The following INPP5E variants were observed in gnomAD, a reference collection of about 807,000 sequenced individuals.
INPP5E encodes phosphatidylinositol polyphosphate 5-phosphatase type IV.
INPP5E carries 34 observed loss-of-function variants against 50.5 expected under a neutral mutation model. That is an observed-to-expected ratio of 0.67 (90% CI 0.51 to 0.90). INPP5E has a LOEUF of 0.90. Among genes scored for constraint, INPP5E ranks in the 40% least tolerant of loss-of-function variants. The pLI is 0.00. For missense variants in INPP5E, 942 were observed against 905.5 expected (o/e 1.04, Z -0.52); for synonymous variants, 447 against 406.0 (o/e 1.10, Z -1.21).
chr9:136,430,920 CCT>C, intron 8 of INPP5E, 80 bp downstream of exon 8: 1 of 1,000,422 alleles, frequency 1.0e-6, no homozygotes, highest in Non-Finnish European at 1.6e-6. Context: ...GGCTCAGACC[CCT>C]GACGCCAGGC....
Position 136,431,838 on chromosome 9 carries a change from C to A in INPP5E, c.1535G>T (p.Arg512Leu), listed in dbSNP as rs750777734. Reference sequence around the variant, plus strand: ...CAGGCCCTCACCTTTCCGCATCTCCCGGATGAGCTGGTCGTGCTGCAGCAG... The same window carrying A: ...CAGGCCCTCACCTTTCCGCATCTCCAGGATGAGCTGGTCGTGCTGCAGCAG... ...PALLQHDQLI[R>L]EMRKGSIFKG... Residue 512 changes from arginine to leucine, a missense_variant, in exon 7 of 10, where the codon CGG becomes CTG. Arg to Leu is a moderately radical substitution (Grantham distance 102). Transcript: ENST00000371712. The A allele has an allele frequency of 3.1e-6, 5 of 1,606,416 alleles. No individual in the cohort carries two copies. Among genetic ancestry groups the A allele is most frequent in the Admixed American group, 1.7e-5 (1 of 59,208 alleles).
chr9:136,432,029 C>T (rs1219896997), intron 6 of INPP5E, 44 bp from the exon 7 acceptor site: 5 of 1,611,004 alleles, frequency 3.1e-6, no homozygotes, highest in Non-Finnish European at 8.5e-7. Context: ...AGAGGGACGG[C>T]AGGTCCTTCC....
Position 136,438,601 on chromosome 9 carries a change from TCCC to T in INPP5E, c.812+4_812+6del, listed in dbSNP as rs1405338334. The T allele has an allele frequency of 1.2e-3, 12 of 9,676 alleles. No homozygotes were observed. In the Admixed American group the frequency reaches 0.059, roughly 47 times the overall value. The allele number at this position is 9,676 out of a possible 1,614,324, so 0.6% of individuals were successfully genotyped here. A position where few individuals can be genotyped will look rare whatever the true frequency, so the allele number is the denominator to read the frequency against. ...CGCGGGCGCTGCACCCGCCAGGCCC[TCCC>T]TACCTGCTGCGGACGTCCTTGCTGC... On this transcript the variant is annotated splice_donor_5th_base_variant and intron_variant, in intron 1 of 9. Coordinates refer to ENST00000371712, the MANE Select transcript of INPP5E (RefSeq NM_019892.6).
chr9:136,436,324 C>A (rs2131613155), intron 1 of INPP5E: 1 of 152,548 alleles, frequency 6.6e-6, no homozygotes, highest in East Asian at 1.9e-4. Flanking sequence ...AGGCCCACGG[C>A]CCCTTTGCCG....
At chr9:136,437,547 G>A (rs1390599003) in intron 1 of INPP5E, 1 of 152,378 alleles carries the variant, frequency 6.6e-6, no homozygotes, top group African/African-American at 2.4e-5. Flanking sequence ...CCTCCCCTGA[G>A]CCTCTGGAGA....
chr9:136,432,099 C>T (rs368787020), intron 6 of INPP5E, 114 bp from the exon 7 acceptor site: 36 of 1,311,262 alleles, frequency 2.7e-5, no homozygotes, highest in South Asian at 1.8e-4. Flanking sequence ...GGGCGCCAGC[C>T]GGTGGGGCCG....
At position 136,438,800 on chromosome 9, in the gene INPP5E, C is replaced by A. The variant is rs1835904478; in HGVS notation, c.620G>T (p.Arg207Met). Residue 207 changes from arginine (R) to methionine (M), a missense_variant, in exon 1 of 10, where the codon AGG becomes ATG. By Grantham distance (91) the Arg-to-Met change is moderately conservative. Coordinates refer to ENST00000371712, the MANE Select transcript of INPP5E (RefSeq NM_019892.6). ...ATCCGAGTCGACCTTGTTTGCTGTC[C>A]TCAGGGAGTCGGAGGCGATGTCCAG... Reference protein sequence around the residue: ...LSLDIASDSLRTANKVDSDLA... With the variant: ...LSLDIASDSLMTANKVDSDLA... The A allele has an allele frequency of 1.2e-6, 2 of 1,612,132 alleles. No individual in the cohort carries two copies. Among genetic ancestry groups the A allele is most frequent in the East Asian group, 4.5e-5 (2 of 44,846 alleles).
chr9:136,432,486 G>A lies in INPP5E; in HGVS notation c.1380C>T (p.Ser460=), dbSNP rs145543466. Residue 460 remains serine, a synonymous_variant, in exon 6 of 10, where the codon TCC becomes TCT. Coordinates refer to ENST00000371712, the MANE Select transcript of INPP5E (RefSeq NM_019892.6). ...RNVPDTNPYR[S]SAADVTTRFD... ...CAGCGTGGACGCCCTCACCTGCGCT[G>A]GAGCGATAGGGGTTGGTGTCGGGCA... is the stretch of plus-strand genomic sequence containing the variant. 91 of 1,548,176 alleles carry A rather than the reference G, an allele frequency of 5.9e-5. No individual in the cohort carries two copies. The highest frequency in any genetic ancestry group is 7.5e-5 in the Non-Finnish European group (86 of 1,144,740).
Position 136,439,106 on chromosome 9 carries a change from G to T in INPP5E, c.314C>A (p.Ala105Asp). Residue 105 changes from alanine (A) to aspartate (D), a missense_variant, in exon 1 of 10, where the codon GCC (alanine) becomes GAC (aspartate). Transcript: ENST00000371712. ...CCTGGAGGGACTGGTCCCATTCCGG[G>T]CTTCCAGGTCCTCCTGGCTGCCTCG... is the stretch of plus-strand genomic sequence containing the variant. Reference protein sequence around the residue: ...RFRGSQEDLEARNGTSPSRGS... With the variant: ...RFRGSQEDLEDRNGTSPSRGS... 6.3e-7 allele frequency: 1 copy of T among 1,582,072 alleles called. No homozygotes were observed. Among genetic ancestry groups the T allele is most frequent in the Non-Finnish European group, 8.6e-7 (1 of 1,166,034 alleles).
chr9:136,435,128 T>C (rs529034959), intron 1 of INPP5E, among the ~76,000 whole-genome samples: 91 of 152,168 alleles, frequency 6.0e-4, no homozygotes, highest in African/African-American at 2.1e-3. Context: ...GTTTGGGCTT[T>C]TTGGTGGTGG....
chr9:136,429,463 G>T lies in INPP5E; in HGVS notation c.*212C>A. The T allele has an allele frequency of 1.4e-6, 1 of 690,146 alleles. No homozygotes were observed. Among genetic ancestry groups the T allele is most frequent in the East Asian group, 2.6e-5 (1 of 39,202 alleles). 42.8% of individuals were successfully genotyped at this position (690,146 alleles called of 1,614,324 possible). A position where few individuals can be genotyped will look rare whatever the true frequency, so the allele number is the denominator to read the frequency against. ...GCTGTATGGACCTGCCATGGAGACG[G>T]GGGTCCAAGCCCTGCCCACCCACAC... On this transcript the variant is annotated 3_prime_UTR_variant, in exon 10 of 10. Transcript: ENST00000371712.
chr9:136,439,159 G>T lies in INPP5E; in HGVS notation c.261C>A (p.Asp87Glu). The T allele has an allele frequency of 6.4e-7, 1 of 1,571,264 alleles. No homozygotes were observed. The highest frequency in any genetic ancestry group is 2.3e-5 in the East Asian group (1 of 43,088). ...AACGCCTCCTCCTCCAGCCCTTGTC[G>T]TCCAGGGACAGGGCTCGCTCCAGTC... ...RPRLERALSLDDKGWRRRRFR... is the reference protein window; with the variant it reads ...RPRLERALSLEDKGWRRRRFR... Residue 87 changes from aspartate to glutamate, a missense_variant, in exon 1 of 10, where the codon GAC becomes GAA. Coordinates refer to ENST00000371712, the MANE Select transcript of INPP5E (RefSeq NM_019892.6).
chr9:136,434,020 GCCTGCAGCCGC>G lies in INPP5E; in HGVS notation c.1034+6_1034+16del, dbSNP rs765033582. Reference sequence around the variant, plus strand: ...GCAGCCCCTGGGCAGGCACTGCAGGGCCTGCAGCCGCCCTACCTGTCAGAACAGCCCTCCTG... The same window carrying G: ...GCAGCCCCTGGGCAGGCACTGCAGGGCCTACCTGTCAGAACAGCCCTCCTG... On this transcript the variant is annotated splice_donor_region_variant and intron_variant, in intron 3 of 9. Coordinates refer to ENST00000371712, the MANE Select transcript of INPP5E (RefSeq NM_019892.6). The G allele has an allele frequency of 6.3e-7, 1 of 1,587,564 alleles. No individual in the cohort carries two copies. The highest frequency in any genetic ancestry group is 8.6e-7 in the Non-Finnish European group (1 of 1,166,270).
rs907542506 is a variant in INPP5E, at chr9:136,433,409, G to C, written c.1035-130C>G. 9.7e-6 allele frequency: 13 copies of C among 1,344,798 alleles called. No individual in the cohort carries two copies. In the South Asian group the frequency reaches 1.9e-4, roughly 20 times the overall value. 83.3% of individuals were successfully genotyped at this position (1,344,798 alleles called of 1,614,324 possible). A position where few individuals can be genotyped will look rare whatever the true frequency, so the allele number is the denominator to read the frequency against. On this transcript the variant is annotated intron_variant, in intron 3 of 9. Coordinates refer to ENST00000371712, the MANE Select transcript of INPP5E (RefSeq NM_019892.6). Reference sequence around the variant, plus strand: ...CGACCTGGCCTTGGTGTCTTGCGCGGAGAAGCAATTGCCAGAAGGCCTGGT... The same window carrying C: ...CGACCTGGCCTTGGTGTCTTGCGCGCAGAAGCAATTGCCAGAAGGCCTGGT...
At chr9:136,437,607 GGA>G (rs943775326) in intron 1 of INPP5E, 36 of 152,380 alleles carry the variant, frequency 2.4e-4, no homozygotes, top group African/African-American at 8.4e-4. Context: ...TCTAGAACTG[GGA>G]GAGAGTCCAG....
At position 136,433,178 on chromosome 9, in the gene INPP5E, C is replaced by T. The variant is rs200518324; in HGVS notation, c.1136G>A (p.Arg379Lys). Reference protein sequence around the residue: ...GVLYMSLFIRRDLIWFCSEVE... With the variant: ...GVLYMSLFIRKDLIWFCSEVE... ...ACCTGAGCAGAACCAGATGAGGTCCCTGCGGATGAAGAGCGACATGTAGAG... is the reference window on the plus strand; with the variant it reads ...ACCTGAGCAGAACCAGATGAGGTCCTTGCGGATGAAGAGCGACATGTAGAG... The change falls in exon 4 of 10, where the codon AGG becomes AAG. Residue 379 changes from arginine to lysine, a missense_variant. By Grantham distance (26) the Arg-to-Lys change is conservative. Transcript: ENST00000371712. 131 of 1,605,658 alleles carry T rather than the reference C, an allele frequency of 8.2e-5. No homozygotes were observed. The highest frequency in any genetic ancestry group is 3.3e-5 in the Admixed American group (2 of 59,976).
chr9:136,430,563 T>C, intron 8 of INPP5E, 150 bp from the exon 9 acceptor site: 1 of 974,396 alleles, frequency 1.0e-6, no homozygotes, highest in Non-Finnish European at 1.6e-6. Context: ...GCCTGGCGTC[T>C]GTGGCCAGCT....
chr9:136,433,852 C>A (rs997446817), intron 3 of INPP5E, among the ~76,000 whole-genome samples, 185 bp downstream of exon 3: 1 of 151,950 alleles, frequency 6.6e-6, no homozygotes, highest in South Asian at 2.1e-4. Flanking sequence ...CGGCAGCCCC[C>A]GGGCAGGCAC....
Position 136,432,496 on chromosome 9 carries a change from G to T in INPP5E, c.1370C>A (p.Pro457His). 1 of 1,550,480 alleles carries T rather than the reference G, an allele frequency of 6.4e-7. No individual in the cohort carries two copies. The highest frequency in any genetic ancestry group is 2.4e-5 in the East Asian group (1 of 41,186). The change falls in exon 6 of 10, where the codon CCC becomes CAC. Residue 457 changes from proline to histidine, a missense_variant. By Grantham distance (77) the Pro-to-His change is moderately conservative (BLOSUM62 -2). Transcript: ENST00000371712. ...VLPRNVPDTNPYRSSAADVTT... is the reference protein window; with the variant it reads ...VLPRNVPDTNHYRSSAADVTT... ...GCCCTCACCTGCGCTGGAGCGATAG[G>T]GGTTGGTGTCGGGCACATTTCTGGG... is the stretch of plus-strand genomic sequence containing the variant.
Sources: allele counts gnomAD v4.1 joint callset (sites outside exome capture counted in the v4.1 genomes callset), GRCh38; gene constraint gnomAD v4.1.1; transcripts MANE v1.5; gene names NCBI Gene and HGNC (gene_info 2026-07-23, HGNC 2026-07-21).